Variants in TBCA observed in about 807,000 individuals in gnomAD.
TBCA encodes the protein tubulin-specific chaperone A.
In TBCA, 6 loss-of-function variants were observed where a neutral mutation model predicts 15.8. That is an observed-to-expected ratio of 0.38 (90% confidence interval 0.21 to 0.75). TBCA has a LOEUF of 0.75. Among genes scored for constraint, TBCA ranks in the 30% least tolerant of loss-of-function variants. The pLI, the probability that TBCA is intolerant of heterozygous loss-of-function variation, is 0.46. For missense variants in TBCA, 90 were observed against 131.2 expected, an observed-to-expected ratio of 0.69 and a Z score of 1.53; for synonymous variants, 32 against 42.3, an observed-to-expected ratio of 0.76 and a Z score of 0.94.
At chr5:77,692,437 T>G (rs960696695) in intron 3 of TBCA, 45 of 897,556 alleles carry the variant, frequency 5.0e-5, no homozygotes, top group Non-Finnish European at 5.1e-5. Context: ...TCCAAATACA[T>G]TATTATTATT....
intron 1 of TBCA, among the ~76,000 whole-genome samples, chr5:77,774,097 T>C (rs1747968956): frequency 6.6e-6 from 1 of 152,208 alleles, no homozygotes; most frequent in African/African-American, 2.4e-5. Context: ...ATTCCTCCCT[T>C]TGGAACTCAG....
chr5:77,720,120 G>C (rs768120392), intron 1 of TBCA, among the ~76,000 whole-genome samples: 2 of 152,042 alleles, frequency 1.3e-5, no homozygotes, highest in Non-Finnish European at 2.9e-5. Context: ...TCTCTAAAAT[G>C]ATACCCTTCC....
intron 1 of TBCA, among the ~76,000 whole-genome samples, chr5:77,722,435 A>G (rs1746547778): frequency 6.6e-6 from 1 of 152,104 alleles, no homozygotes; most frequent in Non-Finnish European, 1.5e-5. Flanking sequence ...TGGCAAAAGT[A>G]AACGAAAGTA....
rs569441038 is a variant in TBCA, at chr5:77,755,261, A to G, written c.53+20944T>C. Among the ~76,000 whole-genome samples the G allele has an allele frequency of 7.2e-5, 11 of 152,272 alleles. No homozygotes were observed. The South Asian group carries it at 1.9e-3, about 26-fold the overall frequency. ...ACCTTTGGGATCTGACTCTTCCTCA[A>G]TGTAATTTGCCCATCAGTTTAAAAT... On this transcript the variant is annotated intron_variant, in intron 1 of 3. Coordinates refer to ENST00000380377, the MANE Select transcript of TBCA (RefSeq NM_004607.3).
intron 2 of TBCA, among the ~76,000 whole-genome samples, chr5:77,697,992 C>T (rs1745909901): frequency 6.6e-6 from 1 of 151,856 alleles, no homozygotes; most frequent in Non-Finnish European, 1.5e-5. Context: ...TGGTGACACA[C>T]ATCTGTAGTC....
intron 1 of TBCA, among the ~76,000 whole-genome samples, chr5:77,765,573 AC>A (rs2112513334): frequency 6.6e-6 from 1 of 151,898 alleles, no homozygotes; most frequent in South Asian, 2.1e-4. Flanking sequence ...TGAATCTCCT[AC>A]CCCCTTTTCC....
chr5:77,751,096 G>A lies in TBCA; in HGVS notation c.53+25109C>T, dbSNP rs185882239. Among the ~76,000 whole-genome samples, 89 of 151,976 alleles carry A rather than the reference G, an allele frequency of 5.9e-4. 2 individuals are homozygous for A. Among genetic ancestry groups the A allele is most frequent in the Non-Finnish European group, 9.6e-4 (65 of 67,962 alleles). ...AGGTCTGTTGATGTTAATGCTGGAGGGGTATAATGAAGCCTGTCTGACTCC... is the reference window on the plus strand; with the variant it reads ...AGGTCTGTTGATGTTAATGCTGGAGAGGTATAATGAAGCCTGTCTGACTCC... On this transcript the variant is annotated intron_variant, in intron 1 of 3. Coordinates refer to ENST00000380377, the MANE Select transcript of TBCA (RefSeq NM_004607.3).
intron 1 of TBCA, among the ~76,000 whole-genome samples, chr5:77,765,459 A>G (rs1747749255): frequency 6.6e-6 from 1 of 152,196 alleles, no homozygotes; most frequent in African/African-American, 2.4e-5. Flanking sequence ...GGGGGCACTA[A>G]CATTGGACAT....
chr5:77,772,857 C>T (rs1747944979), intron 1 of TBCA, among the ~76,000 whole-genome samples: 2 of 152,100 alleles, frequency 1.3e-5, no homozygotes, highest in Non-Finnish European at 2.9e-5. Context: ...TCTGAAAAGT[C>T]AAAAACTTAG....
intron 1 of TBCA, among the ~76,000 whole-genome samples, chr5:77,715,845 A>G (rs1317374573): frequency 6.6e-6 from 1 of 152,214 alleles, no homozygotes. Context: ...TCCTTCAAAC[A>G]GGTATTAAAT....
intron 1 of TBCA, among the ~76,000 whole-genome samples, chr5:77,771,264 G>T (rs933919345): frequency 6.6e-6 from 1 of 150,378 alleles, no homozygotes; most frequent in Non-Finnish European, 1.5e-5. Flanking sequence ...CTGTAAATAT[G>T]TATGTGTCAA....
intron 1 of TBCA, among the ~76,000 whole-genome samples, chr5:77,732,420 G>A (rs1484306551): frequency 1.3e-5 from 2 of 151,596 alleles, no homozygotes; most frequent in Admixed American, 1.3e-4. Flanking sequence ...GCGTGGTGAC[G>A]GGCGCCTGTA....
intron 1 of TBCA, among the ~76,000 whole-genome samples, chr5:77,730,917 G>A (rs1746753878): frequency 6.6e-6 from 1 of 152,098 alleles, no homozygotes; most frequent in East Asian, 1.9e-4. Context: ...TAACAATATA[G>A]TGTTTCATTG....
chr5:77,728,819 G>A (rs1746690408), intron 1 of TBCA, among the ~76,000 whole-genome samples: 1 of 152,036 alleles, frequency 6.6e-6, no homozygotes, highest in Non-Finnish European at 1.5e-5. Flanking sequence ...AGAGAGATGA[G>A]GAGGTAGTCT....
intron 2 of TBCA, among the ~76,000 whole-genome samples, chr5:77,706,019 T>C (rs886954601): frequency 2.0e-5 from 3 of 152,166 alleles, no homozygotes; most frequent in African/African-American, 4.8e-5. Flanking sequence ...TCTTCCTAGA[T>C]AGCCAAGGGA....
chr5:77,743,536 CT>C (rs1747098142), intron 1 of TBCA, among the ~76,000 whole-genome samples: 1 of 152,192 alleles, frequency 6.6e-6, no homozygotes, highest in African/African-American at 2.4e-5. Context: ...TTAAGGAAGG[CT>C]CAGCAAGAGC....
chr5:77,760,757 A>G (rs894420362), intron 1 of TBCA, among the ~76,000 whole-genome samples: 5 of 152,132 alleles, frequency 3.3e-5, no homozygotes, highest in African/African-American at 1.2e-4. Context: ...CAGTGGCATG[A>G]TCTCAGCTCG....
chr5:77,708,152 A>T (rs996314665), intron 2 of TBCA, 90 bp downstream of exon 2: 56 of 805,296 alleles, frequency 7.0e-5, no homozygotes, highest in Non-Finnish European at 1.0e-4. Flanking sequence ...ATAATAATAT[A>T]ATCTCAGTCA....
At chr5:77,730,284 G>A (rs1461421877) in intron 1 of TBCA, among the ~76,000 whole-genome samples, 1 of 152,122 alleles carries the variant, frequency 6.6e-6, no homozygotes, top group Non-Finnish European at 1.5e-5. Context: ...AGACACATAA[G>A]GTAGAAGGTC....
Sources: allele counts gnomAD v4.1 joint callset (sites outside exome capture counted in the v4.1 genomes callset), GRCh38; gene constraint gnomAD v4.1.1; transcripts MANE v1.5; gene names NCBI Gene and HGNC (gene_info 2026-07-23, HGNC 2026-07-21).